The following AGBL4 variants were observed in gnomAD, a reference collection of about 807,000 sequenced individuals.
The protein encoded by AGBL4 is AGBL carboxypeptidase 4, also known as cytosolic carboxypeptidase 6.
AGBL4 carries 58 observed loss-of-function variants against 66.4 expected under a neutral mutation model. The observed-to-expected ratio is 0.87, with a 90% CI of 0.71 to 1.09. AGBL4 has a LOEUF of 1.09. Ranked by LOEUF, AGBL4 falls within the 50% of genes least tolerant of loss-of-function variation. The probability of loss-of-function intolerance (pLI) is 0.00; values close to 1 mark genes in which losing one functional copy is unlikely to be tolerated. For missense variants in AGBL4, 579 were observed against 631.0 expected, an observed-to-expected ratio of 0.92 and a Z score of 0.88; for synonymous variants, 234 against 222.9, an observed-to-expected ratio of 1.05 and a Z score of -0.44.
At chr1:49,369,502 G>A (rs1644299968) in intron 3 of AGBL4, among the ~76,000 whole-genome samples, 1 of 152,142 alleles carries the variant, frequency 6.6e-6, no homozygotes, top group Admixed American at 6.6e-5. Flanking sequence ...AACAAACAAG[G>A]TGACCCTATG....
chr1:49,108,643 C>T lies in AGBL4; in HGVS notation c.378-62843G>A, dbSNP rs12040442. Among the ~76,000 whole-genome samples, 413 of 152,242 alleles carry T rather than the reference C, an allele frequency of 2.7e-3. 7 individuals carry two copies. The highest frequency in any genetic ancestry group is 0.017 in the East Asian group (90 of 5,172). Reference sequence around the variant, plus strand: ...ATCTCTTTGCACTGTCAGGGGAGAACGTTCAGTGTTATTGACAAAATAGTG... The same window carrying T: ...ATCTCTTTGCACTGTCAGGGGAGAATGTTCAGTGTTATTGACAAAATAGTG... On this transcript the variant is annotated intron_variant, in intron 4 of 13. Coordinates refer to ENST00000371839, the MANE Select transcript of AGBL4 (RefSeq NM_032785.4).
chr1:49,882,091 C>T (rs1647396554), intron 1 of AGBL4, among the ~76,000 whole-genome samples: 2 of 152,064 alleles, frequency 1.3e-5, no homozygotes, highest in Non-Finnish European at 2.9e-5. Context: ...GATCCAGTTT[C>T]AGCTTTCTAC....
At chr1:49,481,539 G>A (rs1006289311) in intron 3 of AGBL4, among the ~76,000 whole-genome samples, 2 of 151,690 alleles carry the variant, frequency 1.3e-5, no homozygotes, top group Admixed American at 6.6e-5. Context: ...CTGAGATGGA[G>A]TTTTCTAGAT....
At chr1:49,025,027 C>A (rs1025662908) in intron 5 of AGBL4, among the ~76,000 whole-genome samples, 3 of 152,088 alleles carry the variant, frequency 2.0e-5, no homozygotes, top group Non-Finnish European at 4.4e-5. Flanking sequence ...AAAAGAGGCA[C>A]GAAGAGTTTG....
At chr1:49,785,894 ATAT>A (rs543476276) in intron 2 of AGBL4, among the ~76,000 whole-genome samples, 14,089 of 126,100 alleles carry the variant, frequency 0.11, 765 homozygotes, top group Admixed American at 0.14. Context: ...GAAAAAAAAA[ATAT>A]ATATATATAT....
At chr1:49,713,110 T>C (rs911952409) in intron 2 of AGBL4, among the ~76,000 whole-genome samples, 6 of 152,064 alleles carry the variant, frequency 3.9e-5, no homozygotes, top group Admixed American at 6.6e-5. Context: ...GAGAAACATT[T>C]TTTATCTTTG....
intron 4 of AGBL4, among the ~76,000 whole-genome samples, chr1:49,084,654 C>T (rs1644871684): frequency 6.6e-6 from 1 of 152,194 alleles, no homozygotes; most frequent in African/African-American, 2.4e-5. Context: ...GGGACAGAGC[C>T]AAACCATATC....
intron 6 of AGBL4, among the ~76,000 whole-genome samples, chr1:48,820,904 G>GA (rs1173061772): frequency 1.3e-5 from 2 of 151,412 alleles, no homozygotes. Context: ...AATTCAACAA[G>GA]AAAAAAAACC....
intron 5 of AGBL4, among the ~76,000 whole-genome samples, chr1:48,877,959 C>G (rs903265377): frequency 6.6e-6 from 1 of 152,050 alleles, no homozygotes; most frequent in Non-Finnish European, 1.5e-5. Flanking sequence ...CTCTCATTTT[C>G]GCATCTCTAA....
chr1:49,781,833 G>T (rs892319327), intron 2 of AGBL4, among the ~76,000 whole-genome samples: 2 of 151,912 alleles, frequency 1.3e-5, no homozygotes, highest in Non-Finnish European at 2.9e-5. Context: ...TTAACACACA[G>T]GAGAATTTTA....
At chr1:48,872,553 T>C (rs749597603) in intron 5 of AGBL4, among the ~76,000 whole-genome samples, 12 of 152,274 alleles carry the variant, frequency 7.9e-5, no homozygotes, top group Admixed American at 2.6e-4. Flanking sequence ...GATAAAGCCT[T>C]CTGAATCTGG....
At position 49,815,259 on chromosome 1, in the gene AGBL4, C is replaced by G. The variant is rs368522569; in HGVS notation, c.157+36137G>C. Among the ~76,000 whole-genome samples the G allele has an allele frequency of 1.4e-3, 210 of 152,266 alleles. 1 individual carries two copies. Among genetic ancestry groups the G allele is most frequent in the African/African-American group, 4.7e-3 (197 of 41,550 alleles). ...TTGATTTTTAGATCCCACAAATAACCGAGTACATGAGACGTTTGTCTTTCT... is the reference window on the plus strand; with the variant it reads ...TTGATTTTTAGATCCCACAAATAACGGAGTACATGAGACGTTTGTCTTTCT... On this transcript the variant is annotated intron_variant, in intron 2 of 13. Transcript: ENST00000371839.
chr1:49,576,046 C>T (rs1644430014), intron 3 of AGBL4, among the ~76,000 whole-genome samples: 4 of 152,158 alleles, frequency 2.6e-5, no homozygotes, highest in Admixed American at 2.6e-4. Context: ...ATTCAGGGAC[C>T]TTCTACCTCA....
chr1:49,484,463 C>A (rs1307273268), intron 3 of AGBL4, among the ~76,000 whole-genome samples: 1 of 151,982 alleles, frequency 6.6e-6, no homozygotes, highest in Non-Finnish European at 1.5e-5. Context: ...ATGGATGTAA[C>A]TGGAGATCAT....
intron 6 of AGBL4, among the ~76,000 whole-genome samples, chr1:48,675,113 T>C (rs952874111): frequency 5.3e-5 from 8 of 152,136 alleles, no homozygotes; most frequent in Non-Finnish European, 1.0e-4. Flanking sequence ...GTAAAATTGG[T>C]TTGGAAAATT....
intron 1 of AGBL4, among the ~76,000 whole-genome samples, chr1:49,925,345 G>A (rs1652657544): frequency 1.3e-5 from 2 of 152,018 alleles, no homozygotes; most frequent in Non-Finnish European, 1.5e-5. Flanking sequence ...GATTCGCCAC[G>A]TGCTGACTGA....
chr1:49,976,827 A>T (rs540860264), intron 1 of AGBL4, among the ~76,000 whole-genome samples: 1 of 152,258 alleles, frequency 6.6e-6, no homozygotes, highest in East Asian at 1.9e-4. Context: ...GTCCTCTTTC[A>T]ACCATTTCTG....
At chr1:48,547,699 G>A (rs1644186365) in intron 11 of AGBL4, among the ~76,000 whole-genome samples, 1 of 152,094 alleles carries the variant, frequency 6.6e-6, no homozygotes, top group African/African-American at 2.4e-5. Context: ...TTCTGCTCAG[G>A]TCTCCACCTC....
At chr1:49,130,428 A>T (rs1320746012) in intron 4 of AGBL4, among the ~76,000 whole-genome samples, 1 of 152,148 alleles carries the variant, frequency 6.6e-6, no homozygotes, top group Non-Finnish European at 1.5e-5. Context: ...GTTTTCTTCT[A>T]AGGTTTTTAT....
Sources: gnomAD v4.1 joint callset for allele counts (sites outside exome capture counted in the v4.1 genomes callset) on GRCh38, gnomAD v4.1.1 for gene constraint, MANE v1.5 for transcripts, NCBI Gene and HGNC (gene_info 2026-07-23, HGNC 2026-07-21) for gene names.